Variants in SREK1IP1 observed in about 807,000 individuals in gnomAD.
The protein encoded by SREK1IP1 is protein SREK1IP1.
A neutral mutation model predicts 22.8 loss-of-function variants in SREK1IP1; 12 were observed. That is an observed-to-expected ratio of 0.53 (90% CI 0.34 to 0.85). SREK1IP1 has a LOEUF of 0.85. SREK1IP1 is among the 40% of genes least tolerant of loss of function. SREK1IP1 has a pLI of 0.02. For synonymous variants in SREK1IP1, 53 were observed against 52.7 expected (o/e 1.01, Z -0.02); for missense variants, 147 against 171.8 (o/e 0.86, Z 0.81).
chr5:64,732,315 G>A (rs80216318), intron 3 of SREK1IP1, among the ~76,000 whole-genome samples: 1,711 of 152,152 alleles, frequency 0.011, 32 homozygotes, highest in African/African-American at 0.039. Context: ...GCTCAGGTTC[G>A]TATTTGCAAA....
rs377123520 is a variant in SREK1IP1, at chr5:64,728,104, T to C, written c.278+3A>G. 52 of 1,373,942 alleles carry C rather than the reference T, an allele frequency of 3.8e-5. No individual in the cohort carries two copies. In the African/African-American group the frequency reaches 7.3e-4, roughly 19 times the overall value. 85.1% of individuals were successfully genotyped at this position (1,373,942 alleles called of 1,614,324 possible). A position where few individuals can be genotyped will look rare whatever the true frequency, so the allele number is the denominator to read the frequency against. Reference sequence around the variant, plus strand: ...GTTTTTTAAAATGTTGTTCAAAAAATACCTTTTCCTTTTTTTTTTCAATTT... The same window carrying C: ...GTTTTTTAAAATGTTGTTCAAAAAACACCTTTTCCTTTTTTTTTTCAATTT... On this transcript the variant is annotated splice_donor_region_variant and intron_variant, in intron 4 of 4. Transcript: ENST00000513458.
In SREK1IP1 at chr5:64,768,529, G is replaced by C. The variant is rs1242665577; in HGVS notation, c.-12C>G. The C allele has an allele frequency of 6.2e-7, 1 of 1,614,058 alleles. No individual in the cohort carries two copies. Among genetic ancestry groups the C allele is most frequent in the African/African-American group, 1.3e-5 (1 of 74,926 alleles). On this transcript the variant is annotated 5_prime_UTR_variant, in exon 1 of 5. Coordinates refer to ENST00000513458, the MANE Select transcript of SREK1IP1 (RefSeq NM_173829.4). ...CCTGGGACTGCCATGACGGTGGTAA[G>C]AGGGGTAACTCGAGCCTCTGGCTTT... is the stretch of plus-strand genomic sequence containing the variant.
intron 4 of SREK1IP1, among the ~76,000 whole-genome samples, chr5:64,727,151 C>G (rs1742281289): frequency 6.6e-6 from 1 of 152,048 alleles, no homozygotes; most frequent in African/African-American, 2.4e-5. Flanking sequence ...ATTAAATGCT[C>G]TATAAAAACT....
Position 64,718,509 on chromosome 5 carries a change from T to C in SREK1IP1, c.*5875A>G, listed in dbSNP as rs967597126. The C allele has an allele frequency of 2.6e-5, 4 of 152,302 alleles. No homozygotes were observed. The highest frequency in any genetic ancestry group is 9.6e-5 in the African/African-American group (4 of 41,460). 9.4% of individuals were successfully genotyped at this position (152,302 alleles called of 1,614,324 possible). ...TTTAGATTTTTCTGGGCACAAACAA[T>C]ATACTCAGTAACAAAAAAATCACAA... On this transcript the variant is annotated 3_prime_UTR_variant, in exon 5 of 5. Transcript: ENST00000513458.
intron 3 of SREK1IP1, among the ~76,000 whole-genome samples, chr5:64,729,821 G>A (rs1163844007): frequency 6.6e-6 from 1 of 152,086 alleles, no homozygotes; most frequent in African/African-American, 2.4e-5. Context: ...GGAGCCTGAA[G>A]GACAATTGTG....
At chr5:64,752,755 T>C (rs1274382749) in intron 2 of SREK1IP1, among the ~76,000 whole-genome samples, 1 of 152,190 alleles carries the variant, frequency 6.6e-6, no homozygotes, top group Non-Finnish European at 1.5e-5. Context: ...CTTACCTTTA[T>C]ACAAGCAATA....
intron 2 of SREK1IP1, among the ~76,000 whole-genome samples, chr5:64,753,839 CACTT>C (rs376612702): frequency 1.3e-3 from 203 of 152,266 alleles, no homozygotes; most frequent in African/African-American, 4.7e-3. Context: ...CCTTTTCACT[CACTT>C]AATCATAATG....
At chr5:64,733,748 AAATACTT>A (rs1324647271) in intron 3 of SREK1IP1, among the ~76,000 whole-genome samples, 3 of 152,268 alleles carry the variant, frequency 2.0e-5, no homozygotes, top group East Asian at 3.9e-4. Context: ...TCCAGTGGAT[AAATACTT>A]AATACTTAAA....
intron 3 of SREK1IP1, among the ~76,000 whole-genome samples, chr5:64,731,923 G>A (rs1742388129): frequency 6.6e-6 from 1 of 152,044 alleles, no homozygotes; most frequent in South Asian, 2.1e-4. Flanking sequence ...GGTGTCAATG[G>A]TTGGCATACT....
intron 4 of SREK1IP1, among the ~76,000 whole-genome samples, chr5:64,726,468 G>A (rs1742268533): frequency 6.6e-6 from 1 of 151,422 alleles, no homozygotes; most frequent in Admixed American, 6.6e-5. Context: ...CCCAGCTACT[G>A]GGGAGGCTGA....
At chr5:64,738,583 T>C (rs1364543599) in intron 3 of SREK1IP1, among the ~76,000 whole-genome samples, 1 of 152,116 alleles carries the variant, frequency 6.6e-6, no homozygotes, top group Non-Finnish European at 1.5e-5. Flanking sequence ...TTTCAAAATA[T>C]ATTACACAGC....
At chr5:64,741,719 T>A (rs1742554006) in intron 2 of SREK1IP1, among the ~76,000 whole-genome samples, 2 of 152,188 alleles carry the variant, frequency 1.3e-5, no homozygotes, top group African/African-American at 4.8e-5. Context: ...AATTCTTGCA[T>A]CATTTCCCTA....
chr5:64,723,992 C>CA lies in SREK1IP1; in HGVS notation c.*391dup, dbSNP rs768588291. The CA allele has an allele frequency of 1.2e-3, 194 of 157,344 alleles. 1 individual carries two copies. Among genetic ancestry groups the CA allele is most frequent in the Non-Finnish European group, 2.1e-3 (149 of 71,552 alleles). The allele number at this position is 157,344 out of a possible 1,614,324, so 9.7% of individuals were successfully genotyped here. On this transcript the variant is annotated 3_prime_UTR_variant, in exon 5 of 5. Coordinates refer to ENST00000513458, the MANE Select transcript of SREK1IP1 (RefSeq NM_173829.4). ...AACATTACCCCTTACCTTGCTTCAT[C>CA]ATTGGAAGGTGGACACCTGATCCAG...
At chr5:64,737,507 CAAAAAA>C (rs34983078) in intron 3 of SREK1IP1, among the ~76,000 whole-genome samples, 5 of 95,086 alleles carry the variant, frequency 5.3e-5, no homozygotes, top group East Asian at 5.7e-4. Context: ...TTCATACTGT[CAAAAAA>C]AAAAAAAAAA....
At chr5:64,758,817 ATC>A (rs1561392128) in intron 1 of SREK1IP1, among the ~76,000 whole-genome samples, 1 of 152,252 alleles carries the variant, frequency 6.6e-6, no homozygotes, top group Non-Finnish European at 1.5e-5. Flanking sequence ...GCAGATCATC[ATC>A]TTTACTAAAG....
intron 1 of SREK1IP1, among the ~76,000 whole-genome samples, chr5:64,762,241 T>G (rs1742963620): frequency 6.6e-6 from 1 of 152,208 alleles, no homozygotes; most frequent in African/African-American, 2.4e-5. Context: ...ATATACAGCT[T>G]AAGTAACTAA....
chr5:64,753,997 A>G (rs1411939689), intron 2 of SREK1IP1, among the ~76,000 whole-genome samples: 2 of 152,224 alleles, frequency 1.3e-5, no homozygotes, highest in African/African-American at 4.8e-5. Flanking sequence ...GTATGTGGAA[A>G]GGGGGAAAAG....
intron 2 of SREK1IP1, among the ~76,000 whole-genome samples, chr5:64,746,668 GT>G (rs1742643599): frequency 6.6e-6 from 1 of 152,154 alleles, no homozygotes; most frequent in Non-Finnish European, 1.5e-5. Flanking sequence ...GATCTGAATT[GT>G]TTCTACTCAC....
chr5:64,753,939 A>T (rs1283310984), intron 2 of SREK1IP1, among the ~76,000 whole-genome samples: 2 of 152,192 alleles, frequency 1.3e-5, no homozygotes. Flanking sequence ...TGTAATAAAC[A>T]CAAAAAATCT....
Sources: allele counts gnomAD v4.1 joint callset (sites outside exome capture counted in the v4.1 genomes callset), GRCh38; gene constraint gnomAD v4.1.1; transcripts MANE v1.5; gene names NCBI Gene and HGNC (gene_info 2026-07-23, HGNC 2026-07-21).